The following KCNQ1 variants were observed in gnomAD, a reference collection of about 807,000 sequenced individuals.
KCNQ1 encodes the protein potassium voltage-gated channel subfamily Q member 1.
Under a neutral mutation model 72.4 loss-of-function variants are expected in KCNQ1, and 49 were observed. The ratio of observed to expected loss-of-function variants is 0.68; its 90% CI spans 0.54 to 0.86. KCNQ1 has a LOEUF of 0.86. Ranked by LOEUF, KCNQ1 falls within the 40% of genes least tolerant of loss-of-function variation. The pLI, the probability that KCNQ1 is intolerant of heterozygous loss-of-function variation, is 0.00. For synonymous variants in KCNQ1, 450 were observed against 412.6 expected (o/e 1.09, Z -1.10); for missense variants, 790 against 945.1 (o/e 0.84, Z 2.15).
chr11:2,697,670 T>C (rs1850701445), intron 11 of KCNQ1: 1 of 398,612 alleles, frequency 2.5e-6, no homozygotes, highest in African/African-American at 2.1e-5. Context: ...GTGAATTACA[T>C]GGATAAAGTT....
intron 1 of KCNQ1, among the ~76,000 whole-genome samples, chr11:2,470,757 C>A (rs1002472103): frequency 1.3e-5 from 2 of 151,540 alleles, no homozygotes; most frequent in Non-Finnish European, 2.9e-5. Flanking sequence ...CCAGACTGGT[C>A]TCAAAACCCT....
rs867603596 is a variant in KCNQ1 at position 2,673,175 on chromosome 11, C to T, written c.1514+11094C>T. 1.8e-5 allele frequency: 7 copies of T among 398,550 alleles called. No individual in the cohort carries two copies. Among genetic ancestry groups the T allele is most frequent in the Middle Eastern group, 6.2e-4 (1 of 1,612 alleles). The allele number at this position is 398,550 out of a possible 1,614,324, so 24.7% of individuals were successfully genotyped here. ...ACCCAAGCACGAGGATCAGAATGGGCCCTGGAGCCAAGGCCAAAAGCCGAA... is the reference window on the plus strand; with the variant it reads ...ACCCAAGCACGAGGATCAGAATGGGTCCTGGAGCCAAGGCCAAAAGCCGAA... On this transcript the variant is annotated intron_variant, in intron 11 of 15. Coordinates refer to ENST00000155840, the MANE Select transcript of KCNQ1 (RefSeq NM_000218.3). The surrounding 1 kb of genome is among the most constrained non-coding windows in gnomAD (Gnocchi z 4.5).
At position 2,816,522 on chromosome 11, in the gene KCNQ1, C is replaced by T. The variant is rs1847617062; in HGVS notation, c.1795-31245C>T. 6.6e-6 allele frequency among the ~76,000 whole-genome samples: 1 copy of T among 152,278 alleles called. No individual in the cohort carries two copies. Among genetic ancestry groups the T allele is most frequent in the Middle Eastern group, 3.4e-3 (1 of 294 alleles). ...ATCGCTGTCCAGGAGTGGTGAAAAG[C>T]TGGACTCTGACTGCCTGTCATCCAG... On this transcript the variant is annotated intron_variant, in intron 15 of 15. Coordinates refer to ENST00000155840, the MANE Select transcript of KCNQ1 (RefSeq NM_000218.3). This position sits in a 1 kb window ranked among gnomAD's most constrained non-coding sequence, Gnocchi z 6.8.
At position 2,627,234 on chromosome 11, in the gene KCNQ1, A is replaced by G. The variant is rs145928927; in HGVS notation, c.1394-34727A>G. 3,104 of 398,540 alleles carry G rather than the reference A, an allele frequency of 7.8e-3. 64 individuals are homozygous for G. Among genetic ancestry groups the G allele is most frequent in the African/African-American group, 0.055 (2,670 of 48,728 alleles). The allele number at this position is 398,540 out of a possible 1,614,324, so 24.7% of individuals were successfully genotyped here. On this transcript the variant is annotated intron_variant, in intron 10 of 15. Transcript: ENST00000155840. The surrounding 1 kb of genome is among the most constrained non-coding windows in gnomAD (Gnocchi z 4.9). ...ATTAAAAGTGCATATATTTAAGAAC[A>G]TATTTGACCTACTGTGAAATGATTA...
intron 10 of KCNQ1, chr11:2,649,434 T>C (rs999825907): frequency 2.5e-6 from 1 of 398,474 alleles, no homozygotes; most frequent in African/African-American, 2.1e-5. Context: ...CTTCCAGATG[T>C]AGTACTCCCT....
chr11:2,680,410 T>G (rs991826436), intron 11 of KCNQ1: 3 of 398,356 alleles, frequency 7.5e-6, no homozygotes, highest in Non-Finnish European at 1.3e-5. Flanking sequence ...TTTTTTTAGA[T>G]CTTTGTATGG....
At chr11:2,643,533 T>C (rs1299275283) in intron 10 of KCNQ1, 1 of 398,424 alleles carries the variant, frequency 2.5e-6, no homozygotes, top group East Asian at 3.6e-5. Flanking sequence ...TTCTTTCAAC[T>C]ATGTGTCTTT....
chr11:2,758,989 C>T (rs557658191), intron 11 of KCNQ1, among the ~76,000 whole-genome samples: 1 of 152,230 alleles, frequency 6.6e-6, no homozygotes, highest in East Asian at 1.9e-4. Flanking sequence ...CACGTGTGAA[C>T]ACAAGGCAGA....
chr11:2,733,823 C>CTCTCTT, intron 11 of KCNQ1, among the ~76,000 whole-genome samples: 1 of 28,004 alleles, frequency 3.6e-5, no homozygotes. Flanking sequence ...CACTCTCTCA[C>CTCTCTT]TCTCTCTCTC....
At chr11:2,553,074 G>A (rs576641918) in intron 2 of KCNQ1, among the ~76,000 whole-genome samples, 17 of 151,726 alleles carry the variant, frequency 1.1e-4, no homozygotes, top group African/African-American at 2.9e-4. Flanking sequence ...TGATTTGTTC[G>A]TATATTAACC....
chr11:2,494,768 C>T lies in KCNQ1; in HGVS notation c.387-33160C>T, dbSNP rs992716826. ...AGTATTTTATTGAAGATTTTTGCAT[C>T]GGTGCTCATCAGGGATATTGGCCTG... On this transcript the variant is annotated intron_variant, in intron 1 of 15. Transcript: ENST00000155840. The surrounding 1 kb of genome is among the most constrained non-coding windows in gnomAD (Gnocchi z 4.6). Among the ~76,000 whole-genome samples, 8 of 152,136 alleles carry T rather than the reference C, an allele frequency of 5.3e-5. No homozygotes were observed. The highest frequency in any genetic ancestry group is 1.3e-4 in the Admixed American group (2 of 15,272).
At chr11:2,665,738 C>G in intron 11 of KCNQ1, 2 of 398,634 alleles carry the variant, frequency 5.0e-6, no homozygotes, top group Non-Finnish European at 8.8e-6. Flanking sequence ...CCAGAACCCC[C>G]AAAGCCCCAG....
intron 10 of KCNQ1, chr11:2,614,179 T>C (rs1405931538): frequency 3.5e-5 from 14 of 398,386 alleles, no homozygotes; most frequent in Admixed American, 1.8e-4. Context: ...CCCCAAGAGG[T>C]GATTCTCTGA....
chr11:2,563,717 G>C lies in KCNQ1; in HGVS notation c.478-6911G>C, dbSNP rs534091795. Among the ~76,000 whole-genome samples, 1 of 152,176 alleles carries C rather than the reference G, an allele frequency of 6.6e-6. No homozygotes were observed. Among genetic ancestry groups the C allele is most frequent in the African/African-American group, 2.4e-5 (1 of 41,438 alleles). The stretch of plus-strand genomic sequence containing the variant: ...ACCATTCAACATAAGTCTTGTCAGC[G>C]TTCCGATGAAACAAGATTAGGGGAA... On this transcript the variant is annotated intron_variant, in intron 2 of 15. Coordinates refer to ENST00000155840, the MANE Select transcript of KCNQ1 (RefSeq NM_000218.3). This position sits in a 1 kb window ranked among gnomAD's most constrained non-coding sequence, Gnocchi z 7.4.
intron 1 of KCNQ1, among the ~76,000 whole-genome samples, chr11:2,503,386 G>A (rs901621020): frequency 2.0e-5 from 3 of 152,098 alleles, no homozygotes; most frequent in Non-Finnish European, 4.4e-5. Context: ...TTTCTCGAAA[G>A]AAGACAAATG....
At position 2,475,427 on chromosome 11, in the gene KCNQ1, G is replaced by A. The variant is rs556539166; in HGVS notation, c.386+29943G>A. Among the ~76,000 whole-genome samples the A allele has an allele frequency of 3.9e-5, 6 of 152,240 alleles. No homozygotes were observed. The South Asian group carries it at 8.3e-4, about 21-fold the overall frequency. The stretch of plus-strand genomic sequence containing the variant: ...CTCCTTCCTGAAAGCCTGATACTTA[G>A]AATGGATTTAAAAACAAATTCAAAT... On this transcript the variant is annotated intron_variant, in intron 1 of 15. Coordinates refer to ENST00000155840, the MANE Select transcript of KCNQ1 (RefSeq NM_000218.3). The surrounding 1 kb of genome is among the most constrained non-coding windows in gnomAD (Gnocchi z 5.8).
intron 11 of KCNQ1, among the ~76,000 whole-genome samples, chr11:2,760,071 C>T (rs1240744446): frequency 6.6e-6 from 1 of 152,192 alleles, no homozygotes; most frequent in Non-Finnish European, 1.5e-5. Context: ...CTTCGATGGC[C>T]CCCAGTGACG....
At chr11:2,575,130 C>T (rs1378449936) in intron 6 of KCNQ1, among the ~76,000 whole-genome samples, 1 of 152,168 alleles carries the variant, frequency 6.6e-6, no homozygotes. Flanking sequence ...TCCCAGCCGC[C>T]CACTGGAGCT....
In KCNQ1 at chr11:2,713,314, G is replaced by A. The variant is rs1224342498; in HGVS notation, c.1514+51233G>A. Among the ~76,000 whole-genome samples, 1 of 152,060 alleles carries A rather than the reference G, an allele frequency of 6.6e-6. No individual in the cohort carries two copies. Among genetic ancestry groups the A allele is most frequent in the Non-Finnish European group, 1.5e-5 (1 of 68,016 alleles). The stretch of plus-strand genomic sequence containing the variant: ...TCACTGCGCTTCTCAGGCCTTCTGG[G>A]CTCTTCCTCTGCTGCTCGCCATAAA... On this transcript the variant is annotated intron_variant, in intron 11 of 15. Transcript: ENST00000155840. The surrounding 1 kb of genome is among the most constrained non-coding windows in gnomAD (Gnocchi z 5.6).
Sources: gnomAD v4.1 joint callset for allele counts (sites outside exome capture counted in the v4.1 genomes callset) on GRCh38, gnomAD v4.1.1 for gene constraint, Gnocchi (gnomAD v3.1) non-coding constraint, MANE v1.5 for transcripts, NCBI Gene and HGNC (gene_info 2026-07-23, HGNC 2026-07-21) for gene names.